GABBR1: variants seen among roughly 807,000 people sequenced by gnomAD.
GABBR1 encodes GABA-B receptor, R1 subunit.
Under a neutral mutation model 117.7 loss-of-function variants are expected in GABBR1, and 35 were observed. The ratio of observed to expected loss-of-function variants is 0.30; its 90% CI spans 0.23 to 0.39. The LOEUF (loss-of-function observed/expected upper bound fraction) is 0.39, where lower values mean the gene tolerates loss of function less well. GABBR1 is among the 10% of genes least tolerant of loss of function. The probability of loss-of-function intolerance (pLI) is 1.00; values close to 1 mark genes in which losing one functional copy is unlikely to be tolerated. For missense variants in GABBR1, 709 were observed against 1,241.8 expected, an observed-to-expected ratio of 0.57 and a Z score of 6.45; for synonymous variants, 442 against 486.6, an observed-to-expected ratio of 0.91 and a Z score of 1.21.
rs964173982 is a variant in GABBR1 at position 29,632,807 on chromosome 6, G to C, written c.-1+43C>G. 2 of 672,392 alleles carry C rather than the reference G, an allele frequency of 3.0e-6. No individual in the cohort carries two copies. Among genetic ancestry groups the C allele is most frequent in the African/African-American group, 4.5e-5 (2 of 44,888 alleles). The allele number at this position is 672,392 out of a possible 1,614,324, so 41.7% of individuals were successfully genotyped here. A position where few individuals can be genotyped will look rare whatever the true frequency, so the allele number is the denominator to read the frequency against. Reference sequence around the variant, plus strand: ...TGCCCCCTCCCCCACCACGCCGCGCGCCCCCTCTCCGAGCCCTGCTAACCC... The same window carrying C: ...TGCCCCCTCCCCCACCACGCCGCGCCCCCCCTCTCCGAGCCCTGCTAACCC... On this transcript the variant is annotated intron_variant, in intron 1 of 22. Transcript: ENST00000377034. This position sits in a 1 kb window ranked among gnomAD's most constrained non-coding sequence, Gnocchi z 5.8.
At position 29,623,961 on chromosome 6, in the gene GABBR1, T is replaced by G. The variant is rs1583005387; in HGVS notation, c.721A>C (p.Ile241Leu). The change falls in exon 7 of 23, where the codon ATC becomes CTC. Residue 241 changes from isoleucine to leucine, a missense_variant. Ile to Leu is a conservative substitution (Grantham distance 5). Transcript: ENST00000377034. The surrounding 1 kb of genome is among the most constrained non-coding windows in gnomAD (Gnocchi z 6.2). The part of the protein sequence containing the change: ...ELLYNDPIKI[I>L]LMPGCSSVST... ...ACAGAGCTGCAGCCAGGCATAAGGA[T>G]GATCTTGATAGGGTCGTTGTAGAGC... The G allele has an allele frequency of 1.9e-6, 3 of 1,613,006 alleles. No individual in the cohort carries two copies. Among genetic ancestry groups the G allele is most frequent in the Non-Finnish European group, 2.5e-6 (3 of 1,180,002 alleles).
At position 29,621,078 on chromosome 6, in the gene GABBR1, A is replaced by ACCC; in HGVS notation, c.1323+22_1323+23insGGG. 1 of 1,603,476 alleles carries ACCC rather than the reference A, an allele frequency of 6.2e-7. No homozygotes were observed. Among genetic ancestry groups the ACCC allele is most frequent in the Non-Finnish European group, 8.5e-7 (1 of 1,175,196 alleles). ...TCCTCTCCACCCTCCCAGGTGCCAG[A>ACCC]CTGCAAGTCCCCACACTCTCACCAT... is the stretch of plus-strand genomic sequence containing the variant. On this transcript the variant is annotated intron_variant, in intron 11 of 22. Coordinates refer to ENST00000377034, the MANE Select transcript of GABBR1 (RefSeq NM_001470.4). This position sits in a 1 kb window ranked among gnomAD's most constrained non-coding sequence, Gnocchi z 5.0.
At position 29,607,211 on chromosome 6, in the gene GABBR1, A is replaced by T. The variant is rs1410530817; in HGVS notation, c.2000T>A (p.Leu667His). 1 of 1,613,928 alleles carries T rather than the reference A, an allele frequency of 6.2e-7. No individual in the cohort carries two copies. Among genetic ancestry groups the T allele is most frequent in the Non-Finnish European group, 8.5e-7 (1 of 1,179,942 alleles). The change falls in exon 17 of 23, where the codon CTC becomes CAC. Residue 667 changes from leucine to histidine, a missense_variant. Physicochemically the swap from Leu to His is moderately conservative, Grantham distance 99 (BLOSUM62 -3). Coordinates refer to ENST00000377034, the MANE Select transcript of GABBR1 (RefSeq NM_001470.4). This position sits in a 1 kb window ranked among gnomAD's most constrained non-coding sequence, Gnocchi z 5.0. ...NQFPFVCQAR[L>H]WLLGLGFSLG... ...ACTAAAGCCCAGGCCCAGGAGCCAG[A>T]GGCGGGCCTAGAAAGGAAGAGAGGG...
At position 29,613,185 on chromosome 6, in the gene GABBR1, T is replaced by G. The variant is rs1327860640; in HGVS notation, c.1566+58A>C. On this transcript the variant is annotated intron_variant, in intron 12 of 22. Transcript: ENST00000377034. This position sits in a 1 kb window ranked among gnomAD's most constrained non-coding sequence, Gnocchi z 4.1. ...AATGCATGTTTGTAGAAGGTGCCTCTTGGGAGTCTCTCTCAAGATTGGGAA... is the reference window on the plus strand; with the variant it reads ...AATGCATGTTTGTAGAAGGTGCCTCGTGGGAGTCTCTCTCAAGATTGGGAA... The G allele has an allele frequency of 6.3e-7, 1 of 1,575,276 alleles. No homozygotes were observed. Among genetic ancestry groups the G allele is most frequent in the Non-Finnish European group, 8.7e-7 (1 of 1,150,146 alleles).
intron 13 of GABBR1, among the ~76,000 whole-genome samples, chr6:29,612,261 T>G (rs1030745517): frequency 5.9e-5 from 9 of 151,776 alleles, no homozygotes; most frequent in Non-Finnish European, 1.2e-4. Context: ...ATGATCTGCC[T>G]GCCTTGGCCT....
Position 29,603,360 on chromosome 6 carries a change from T to C in GABBR1, c.*183A>G, listed in dbSNP as rs1222974244. 1.4e-6 allele frequency: 1 copy of C among 712,292 alleles called. No individual in the cohort carries two copies. The highest frequency in any genetic ancestry group is 2.6e-6 in the Non-Finnish European group (1 of 387,916). The allele number at this position is 712,292 out of a possible 1,614,324, so 44.1% of individuals were successfully genotyped here. On this transcript the variant is annotated 3_prime_UTR_variant, in exon 23 of 23. Transcript: ENST00000377034. ...AGCAGTAAGAGAGAAAAAGGTCTGT[T>C]TCCCAGAGGTATGAGAGACCCAAAT...
chr6:29,622,392 G>A lies in GABBR1; in HGVS notation c.964-187C>T. 1 of 592,108 alleles carries A rather than the reference G, an allele frequency of 1.7e-6. No individual in the cohort carries two copies. The highest frequency in any genetic ancestry group is 3.0e-6 in the Non-Finnish European group (1 of 331,850). The allele number at this position is 592,108 out of a possible 1,614,324, so 36.7% of individuals were successfully genotyped here. A position where few individuals can be genotyped will look rare whatever the true frequency, so the allele number is the denominator to read the frequency against. On this transcript the variant is annotated intron_variant, in intron 8 of 22. Coordinates refer to ENST00000377034, the MANE Select transcript of GABBR1 (RefSeq NM_001470.4). This position sits in a 1 kb window ranked among gnomAD's most constrained non-coding sequence, Gnocchi z 4.6. ...GGGAAGGCATCTGGTCTTAGGATGT[G>A]GATTCCAAGTGGGAAGGTGAATGGT...
In GABBR1 at chr6:29,613,980, A is replaced by G. The variant is rs29251; in HGVS notation, c.1324-495T>C. ...CCAGCCAGGAGGATATTTCTTCAGCATGCTAACTTCTTGCCATTCTTGTGT... is the reference window on the plus strand; with the variant it reads ...CCAGCCAGGAGGATATTTCTTCAGCGTGCTAACTTCTTGCCATTCTTGTGT... On this transcript the variant is annotated intron_variant, in intron 11 of 22. Transcript: ENST00000377034. The surrounding 1 kb of genome is among the most constrained non-coding windows in gnomAD (Gnocchi z 4.1). Among the ~76,000 whole-genome samples the G allele has an allele frequency of 0.098, 14,902 of 152,256 alleles. 855 individuals carry two copies. Among genetic ancestry groups the G allele is most frequent in the Middle Eastern group, 0.21 (60 of 292 alleles).
chr6:29,608,684 A>C lies in GABBR1; in HGVS notation c.1909T>G (p.Cys637Gly). ...AAGACAGCAGCTAAAGCCAGTGAGC[A>C]GCCCACAGCAGTCAGGTTGTTCAGG... ...PNLNNLTAVG[C>G]SLALAAVFPL... Residue 637 changes from cysteine (C) to glycine (G), a missense_variant, in exon 16 of 23, where the codon TGC (cysteine) becomes GGC (glycine). This residue lies in a region of GABBR1 where 251 missense variants were observed against 445.3 expected (regional missense o/e 0.56). Transcript: ENST00000377034. 6.2e-7 allele frequency: 1 copy of C among 1,613,108 alleles called. No individual in the cohort carries two copies. Among genetic ancestry groups the C allele is most frequent in the Non-Finnish European group, 8.5e-7 (1 of 1,180,018 alleles).
chr6:29,609,430 G>T lies in GABBR1; in HGVS notation c.1709-51C>A. On this transcript the variant is annotated intron_variant, in intron 14 of 22. Transcript: ENST00000377034. This position sits in a 1 kb window ranked among gnomAD's most constrained non-coding sequence, Gnocchi z 4.3. Reference sequence around the variant, plus strand: ...GGAAGGGAAAAGAGAAGGGAAGGAGGACAAAGGAATGAAGACGGGATAGGA... The same window carrying T: ...GGAAGGGAAAAGAGAAGGGAAGGAGTACAAAGGAATGAAGACGGGATAGGA... 2.0e-6 allele frequency: 3 copies of T among 1,501,908 alleles called. No individual in the cohort carries two copies. The highest frequency in any genetic ancestry group is 3.5e-5 in the Admixed American group (2 of 57,168). 93.0% of individuals were successfully genotyped at this position (1,501,908 alleles called of 1,614,324 possible).
In GABBR1 at chr6:29,622,240, C is replaced by A. The variant is rs553822725; in HGVS notation, c.964-35G>T. 4 of 1,419,122 alleles carry A rather than the reference C, an allele frequency of 2.8e-6. No individual in the cohort carries two copies. Among genetic ancestry groups the A allele is most frequent in the Non-Finnish European group, 4.0e-6 (4 of 1,003,784 alleles). The allele number at this position is 1,419,122 out of a possible 1,614,324, so 87.9% of individuals were successfully genotyped here. A position where few individuals can be genotyped will look rare whatever the true frequency, so the allele number is the denominator to read the frequency against. On this transcript the variant is annotated intron_variant, in intron 8 of 22. Transcript: ENST00000377034. The surrounding 1 kb of genome is among the most constrained non-coding windows in gnomAD (Gnocchi z 4.6). ...GAATAAAAAACAAGTTGGAAAAACACGGGGTGCATGAGGGAATAAAGACCA... is the reference window on the plus strand; with the variant it reads ...GAATAAAAAACAAGTTGGAAAAACAAGGGGTGCATGAGGGAATAAAGACCA...
Position 29,623,876 on chromosome 6 carries a change from A to T in GABBR1, c.792+14T>A. The stretch of plus-strand genomic sequence containing the variant: ...GGAATGACCCCATCTTCTGACCCCC[A>T]TAGCCCTGCTTACCACAATGAGGTT... On this transcript the variant is annotated intron_variant, in intron 7 of 22. Coordinates refer to ENST00000377034, the MANE Select transcript of GABBR1 (RefSeq NM_001470.4). The surrounding 1 kb of genome is among the most constrained non-coding windows in gnomAD (Gnocchi z 6.2). The T allele has an allele frequency of 6.2e-7, 1 of 1,611,580 alleles. No homozygotes were observed. The highest frequency in any genetic ancestry group is 8.5e-7 in the Non-Finnish European group (1 of 1,179,266).
rs3025640 is a variant in GABBR1 at position 29,602,888 on chromosome 6, C to T, written c.*655G>A. 20,014 of 384,898 alleles carry T rather than the reference C, an allele frequency of 0.052. 687 individuals are homozygous for T. Among genetic ancestry groups the T allele is most frequent in the Middle Eastern group, 0.17 (274 of 1,578 alleles). The allele number at this position is 384,898 out of a possible 1,614,324, so 23.8% of individuals were successfully genotyped here. ...TGTGACTGAACATGAAGAAAGCATA[C>T]GGGAAAAGCGTGTGTACACATGAGC... On this transcript the variant is annotated 3_prime_UTR_variant, in exon 23 of 23. Coordinates refer to ENST00000377034, the MANE Select transcript of GABBR1 (RefSeq NM_001470.4).
chr6:29,627,971 C>G lies in GABBR1; in HGVS notation c.497-325G>C. On this transcript the variant is annotated intron_variant, in intron 5 of 22. Transcript: ENST00000377034. This position sits in a 1 kb window ranked among gnomAD's most constrained non-coding sequence, Gnocchi z 4.4. ...GGCTTCCTACGGCCCCCGCGGCTCT[C>G]GCCACCGTCGCCGCCACCGCGGACT... 7.4e-7 allele frequency: 1 copy of G among 1,343,370 alleles called. No homozygotes were observed. The highest frequency in any genetic ancestry group is 9.5e-7 in the Non-Finnish European group (1 of 1,056,578). The allele number at this position is 1,343,370 out of a possible 1,614,324, so 83.2% of individuals were successfully genotyped here. A position where few individuals can be genotyped will look rare whatever the true frequency, so the allele number is the denominator to read the frequency against.
In GABBR1 at chr6:29,623,881, C is replaced by G. The variant is rs752399857; in HGVS notation, c.792+9G>C. Reference sequence around the variant, plus strand: ...GACCCCATCTTCTGACCCCCATAGCCCTGCTTACCACAATGAGGTTCCACA... The same window carrying G: ...GACCCCATCTTCTGACCCCCATAGCGCTGCTTACCACAATGAGGTTCCACA... On this transcript the variant is annotated intron_variant, in intron 7 of 22. Coordinates refer to ENST00000377034, the MANE Select transcript of GABBR1 (RefSeq NM_001470.4). This position sits in a 1 kb window ranked among gnomAD's most constrained non-coding sequence, Gnocchi z 6.2. 6.2e-7 allele frequency: 1 copy of G among 1,611,852 alleles called. No individual in the cohort carries two copies. Among genetic ancestry groups the G allele is most frequent in the African/African-American group, 1.3e-5 (1 of 74,900 alleles).
At chr6:29,624,155 C>T in intron 6 of GABBR1, 131 bp from the exon 7 acceptor site, 1 of 923,936 alleles carries the variant, frequency 1.1e-6, no homozygotes. Context: ...TTACCGTTTT[C>T]TTCTCCTTTC....
In GABBR1 at chr6:29,606,908, G is replaced by T. The variant is rs767733339; in HGVS notation, c.2206C>A (p.Arg736=). ...AIWQIVDPLH[R]TIETFAKEEP... ...CTCTCCAGTGGTACCTCAATGGTCCGGTGCAGAGGGTCCACGATCTGCCAG... is the reference window on the plus strand; with the variant it reads ...CTCTCCAGTGGTACCTCAATGGTCCTGTGCAGAGGGTCCACGATCTGCCAG... The change falls in exon 18 of 23, where the codon CGG becomes AGG. Residue 736 remains arginine (R), a synonymous_variant. Transcript: ENST00000377034. The surrounding 1 kb of genome is among the most constrained non-coding windows in gnomAD (Gnocchi z 4.5). The T allele has an allele frequency of 5.6e-6, 9 of 1,613,586 alleles. No individual in the cohort carries two copies. Among genetic ancestry groups the T allele is most frequent in the Non-Finnish European group, 6.8e-6 (8 of 1,179,628 alleles).
Position 29,630,691 on chromosome 6 carries a change from CT to C in GABBR1, c.290-49del. On this transcript the variant is annotated intron_variant, in intron 3 of 22. Transcript: ENST00000377034. The surrounding 1 kb of genome is among the most constrained non-coding windows in gnomAD (Gnocchi z 4.9). ...GAAGAGAGGCGAGTTGAAGAAGGCT[CT>C]TTCCCTTTAAAGAGCAGGGGACTCA... The C allele has an allele frequency of 1.3e-6, 2 of 1,544,876 alleles. No individual in the cohort carries two copies. Among genetic ancestry groups the C allele is most frequent in the Non-Finnish European group, 1.8e-6 (2 of 1,126,714 alleles).
At chr6:29,616,919 G>A (rs1282649981) in intron 11 of GABBR1, among the ~76,000 whole-genome samples, 5 of 148,964 alleles carry the variant, frequency 3.4e-5, no homozygotes, top group African/African-American at 7.4e-5. Context: ...AGGCCGAGGC[G>A]GGCGGATCAC....
Sources: gnomAD v4.1 joint callset for allele counts (sites outside exome capture counted in the v4.1 genomes callset) on GRCh38, gnomAD v4.1.1 for gene constraint, gnomAD v4.1.1 regional missense constraint, Gnocchi (gnomAD v3.1) non-coding constraint, MANE v1.5 for transcripts, NCBI Gene and HGNC (gene_info 2026-07-23, HGNC 2026-07-21) for gene names.